CUX1: variants seen among roughly 807,000 people sequenced by gnomAD.
CUX1 encodes the protein cut like homeobox 1.
CUX1 carries 31 observed loss-of-function variants against 158.8 expected under a neutral mutation model. That is an observed-to-expected ratio of 0.20 (90% CI 0.15 to 0.26). The LOEUF is 0.26. CUX1 is among the 10% of genes least tolerant of loss of function. The probability of loss-of-function intolerance (pLI) is 1.00; values close to 1 mark genes in which losing one functional copy is unlikely to be tolerated. For missense variants in CUX1, 1,589 were observed against 2,014.6 expected, an observed-to-expected ratio of 0.79 and a Z score of 4.04; for synonymous variants, 879 against 862.1, an observed-to-expected ratio of 1.02 and a Z score of -0.34.
intron 2 of CUX1, chr7:101,959,553 A>C (rs1044830451): frequency 6.6e-6 from 1 of 152,136 alleles, no homozygotes; most frequent in African/African-American, 2.4e-5. Context: ...CCAACCAGGA[A>C]AGCCGCCTTC....
chr7:102,187,191 A>T (rs1189376766), intron 11 of CUX1, among the ~76,000 whole-genome samples: 3 of 152,318 alleles, frequency 2.0e-5, no homozygotes, highest in South Asian at 2.1e-4. Context: ...AGAAACTGTA[A>T]TGGGACTTAG....
At position 102,268,692 on chromosome 7, in the gene CUX1, G is replaced by A. The variant is rs964223036; in HGVS notation, c.1256-4674G>A. 7.2e-5 allele frequency among the ~76,000 whole-genome samples: 11 copies of A among 152,268 alleles called. No individual in the cohort carries two copies. The South Asian group carries it at 8.3e-4, about 11-fold the overall frequency. ...TGGTTCTGCAGGCTGTACCAGAAGC[G>A]TGGCGCTGGTGTCGGTTTGGCTTCT... On this transcript the variant is annotated intron_variant, in intron 14 of 22. Coordinates refer to the CUX1 transcript ENST00000292538.
rs1009773014 is a variant in CUX1, at chr7:102,254,179, C to T, written c.*5137C>T. Reference sequence around the variant, plus strand: ...AAAGCTCCAGCAGCTGTTTCTTTTGCAGGCAGGGCGTGGTCTCGGGGCTCC... The same window carrying T: ...AAAGCTCCAGCAGCTGTTTCTTTTGTAGGCAGGGCGTGGTCTCGGGGCTCC... On this transcript the variant is annotated 3_prime_UTR_variant, in exon 24 of 24. Transcript: ENST00000292535. 1.5e-4 allele frequency: 152 copies of T among 985,464 alleles called. No homozygotes were observed. Among genetic ancestry groups the T allele is most frequent in the Non-Finnish European group, 1.7e-4 (142 of 830,082 alleles). 61.0% of individuals were successfully genotyped at this position (985,464 alleles called of 1,614,324 possible). A position where few individuals can be genotyped will look rare whatever the true frequency, so the allele number is the denominator to read the frequency against.
At chr7:102,174,466 T>A (rs1792078689) in intron 10 of CUX1, among the ~76,000 whole-genome samples, 1 of 152,154 alleles carries the variant, frequency 6.6e-6, no homozygotes, top group African/African-American at 2.4e-5. Context: ...ATTTCCTCTC[T>A]AGCTTTTGCC....
chr7:102,054,278 T>G (rs1209273618), intron 3 of CUX1, among the ~76,000 whole-genome samples: 1 of 152,224 alleles, frequency 6.6e-6, no homozygotes, highest in Non-Finnish European at 1.5e-5. Context: ...TTTAAGAGGT[T>G]TTATAGTTTT....
intron 8 of CUX1, among the ~76,000 whole-genome samples, chr7:102,132,306 TGTGCGC>T (rs1340862703): frequency 2.1e-3 from 8 of 3,730 alleles, no homozygotes; most frequent in African/African-American, 7.0e-3. Flanking sequence ...TGTGTGTGTG[TGTGCGC>T]GCGCGCGCGC....
At chr7:101,817,512 C>G (rs1269789470), upstream of CUX1, 4 of 1,159,470 alleles carry the variant, frequency 3.4e-6, no homozygotes, top group African/African-American at 1.6e-5. This position sits in a 1 kb window ranked among gnomAD's most constrained non-coding sequence, Gnocchi z 4.1. Context: ...GAGTCGCCGC[C>G]GTGCCCAAGG....
intron 20 of CUX1, among the ~76,000 whole-genome samples, chr7:102,216,594 A>ACC (rs1183478072): frequency 1.1e-4 from 4 of 35,898 alleles, no homozygotes; most frequent in Non-Finnish European, 1.6e-4. Context: ...CCACACACAC[A>ACC]CTCCCACACA....
intron 8 of CUX1, among the ~76,000 whole-genome samples, chr7:102,145,036 G>A (rs112345592): frequency 5.4e-5 from 8 of 147,426 alleles, no homozygotes; most frequent in East Asian, 4.0e-4. Context: ...GCAGTGAGCC[G>A]AGATCGCACC....
chr7:102,140,031 T>G (rs1272538312), intron 8 of CUX1, among the ~76,000 whole-genome samples: 1 of 152,144 alleles, frequency 6.6e-6, no homozygotes, highest in Non-Finnish European at 1.5e-5. Context: ...ACCTTAAAAC[T>G]TTCATTACCC....
chr7:102,110,576 A>G (rs113863387), intron 6 of CUX1, among the ~76,000 whole-genome samples: 1 of 152,216 alleles, frequency 6.6e-6, no homozygotes, highest in Non-Finnish European at 1.5e-5. Flanking sequence ...ATGTTACACT[A>G]TAGTGTGTTA....
At chr7:101,910,580 AC>A (rs1803311815) in intron 1 of CUX1, among the ~76,000 whole-genome samples, 1 of 150,268 alleles carries the variant, frequency 6.7e-6, no homozygotes, top group African/African-American at 2.4e-5. Context: ...ACAAGGCGAA[AC>A]CCCCTCTCTA....
chr7:102,132,048 T>C (rs1309994102), intron 8 of CUX1, among the ~76,000 whole-genome samples: 1 of 152,002 alleles, frequency 6.6e-6, no homozygotes, highest in Non-Finnish European at 1.5e-5. Context: ...TGTATATTTA[T>C]ATAATAAGGG....
At chr7:102,045,140 G>A (rs566249093) in intron 3 of CUX1, among the ~76,000 whole-genome samples, 1 of 152,194 alleles carries the variant, frequency 6.6e-6, no homozygotes, top group African/African-American at 2.4e-5. Flanking sequence ...TTAGGGACCC[G>A]TCGGACTGCG....
intron 20 of CUX1, chr7:102,281,775 C>A: frequency 8.9e-7 from 1 of 1,128,722 alleles, no homozygotes; most frequent in East Asian, 2.4e-5. Flanking sequence ...TCTGTGAAGC[C>A]CAGGCAGCCC....
chr7:102,273,467 C>G (rs782158617), exon 15 of CUX1: 4 of 1,612,890 alleles, frequency 2.5e-6, no homozygotes, highest in Non-Finnish European at 3.4e-6. Context: ...GAGCATCATT[C>G]AGTCCATCCA....
At chr7:102,196,576 G>GTT in intron 14 of CUX1, 58 bp from the exon 15 acceptor site, 3 of 1,377,984 alleles carry the variant, frequency 2.2e-6, no homozygotes, top group South Asian at 2.1e-5. Flanking sequence ...TTTGGTCTTG[G>GTT]TTTTTTTTTC....
intron 1 of CUX1, among the ~76,000 whole-genome samples, chr7:101,867,760 A>G (rs1798081184): frequency 6.6e-6 from 1 of 152,212 alleles, no homozygotes; most frequent in Non-Finnish European, 1.5e-5. Context: ...CCTCAGGAAT[A>G]CAGAACGCAT....
chr7:102,013,774 G>A (rs1255335520), intron 2 of CUX1, among the ~76,000 whole-genome samples: 1 of 152,062 alleles, frequency 6.6e-6, no homozygotes, highest in African/African-American at 2.4e-5. Context: ...GCACAGTCAC[G>A]GCTCACTGCA....
Sources: gnomAD v4.1 joint callset for allele counts (sites outside exome capture counted in the v4.1 genomes callset) on GRCh38, gnomAD v4.1.1 for gene constraint, Gnocchi (gnomAD v3.1) non-coding constraint, MANE v1.5 for transcripts, NCBI Gene and HGNC (gene_info 2026-07-23, HGNC 2026-07-21) for gene names.